Variants in OSGEP observed in about 807,000 individuals in gnomAD.
OSGEP encodes O-sialoglycoprotein endopeptidase.
Under a neutral mutation model 44.1 loss-of-function variants are expected in OSGEP, and 39 were observed. That is an observed-to-expected ratio of 0.88 (90% CI 0.69 to 1.16). OSGEP has a LOEUF of 1.16. Among genes scored for constraint, OSGEP ranks in the 50% most tolerant of loss-of-function variants. OSGEP has a pLI of 0.00. For synonymous variants in OSGEP, 139 were observed against 161.9 expected, an observed-to-expected ratio of 0.86 and a Z score of 1.07; for missense variants, 403 against 443.1, an observed-to-expected ratio of 0.91 and a Z score of 0.81.
intron 6 of OSGEP, 145 bp downstream of exon 6, chr14:20,448,588 C>T (rs139736301): frequency 1.7e-5 from 11 of 642,356 alleles, no homozygotes; most frequent in African/African-American, 5.5e-5. Context: ...TGAATACCTT[C>T]TAAATGAATT....
At chr14:20,452,558 T>G in intron 1 of OSGEP, 110 bp from the exon 2 acceptor site, 1 of 997,450 alleles carries the variant, frequency 1.0e-6, no homozygotes, top group Non-Finnish European at 1.5e-6. Flanking sequence ...GTCCTTTCAC[T>G]TTCCCCAAGC....
chr14:20,447,817 C>G, intron 8 of OSGEP, 87 bp downstream of exon 8: 1 of 1,242,154 alleles, frequency 8.1e-7, no homozygotes, highest in Non-Finnish European at 1.2e-6. Context: ...GGGAAGCCTA[C>G]TCCAAACGCT....
chr14:20,448,291 T>G, intron 6 of OSGEP, 120 bp from the exon 7 acceptor site: 2 of 806,224 alleles, frequency 2.5e-6, no homozygotes, highest in East Asian at 4.9e-5. Flanking sequence ...TACCAGCACA[T>G]CCTGTACCAC....
At position 20,451,089 on chromosome 14, in the gene OSGEP, A is replaced by G. The variant is rs1326037107; in HGVS notation, c.411+885T>C. Among the ~76,000 whole-genome samples the G allele has an allele frequency of 3.9e-5, 6 of 152,338 alleles. No individual in the cohort carries two copies. In the East Asian group the frequency reaches 9.6e-4, roughly 24 times the overall value. Reference sequence around the variant, plus strand: ...GCATCATTGCACTCCAACCTGGACAATAAGAGCGAAACTCCATCTCAAATA... The same window carrying G: ...GCATCATTGCACTCCAACCTGGACAGTAAGAGCGAAACTCCATCTCAAATA... On this transcript the variant is annotated intron_variant, in intron 3 of 10. Transcript: ENST00000206542.
intron 3 of OSGEP, 123 bp downstream of exon 3, chr14:20,451,851 A>T (rs1881107439): frequency 1.1e-6 from 1 of 886,654 alleles, no homozygotes; most frequent in East Asian, 2.8e-5. Context: ...TCTGGTCTAC[A>T]GTATTTTAGG....
At chr14:20,448,671 A>G (rs565325988) in intron 6 of OSGEP, 62 bp downstream of exon 6, 3 of 1,173,928 alleles carry the variant, frequency 2.6e-6, no homozygotes, top group East Asian at 2.3e-5. Flanking sequence ...AATCGTAAGT[A>G]AAACAGATAT....
chr14:20,447,692 T>TACAAAGAGGCAGGGA lies in OSGEP; in HGVS notation c.794-17_794-3dup, dbSNP rs1188266977. 1 of 1,612,038 alleles carries TACAAAGAGGCAGGGA rather than the reference T, an allele frequency of 6.2e-7. No individual in the cohort carries two copies. The highest frequency in any genetic ancestry group is 1.7e-4 in the Middle Eastern group (1 of 6,056). ...TCATCTCCTGTAGCCTCACATTACC[T>TACAAAGAGGCAGGGA]ACAAAGAGGCAGGGAACAGGATTAG... is the stretch of plus-strand genomic sequence containing the variant. On this transcript the variant is annotated splice_polypyrimidine_tract_variant and splice_region_variant and intron_variant, in intron 8 of 10. Coordinates refer to ENST00000206542, the MANE Select transcript of OSGEP (RefSeq NM_017807.4).
At chr14:20,454,164 C>A (rs1287700190) in intron 1 of OSGEP, among the ~76,000 whole-genome samples, 1 of 148,908 alleles carries the variant, frequency 6.7e-6, no homozygotes, top group East Asian at 1.9e-4. Flanking sequence ...TAGAATATTT[C>A]AAAAAATAAT....
At chr14:20,449,072 G>C in intron 4 of OSGEP, 59 bp from the exon 5 acceptor site, 1 of 1,521,048 alleles carries the variant, frequency 6.6e-7, no homozygotes, top group Non-Finnish European at 9.1e-7. Flanking sequence ...CAGATATGCA[G>C]GAAGCATAAG....
chr14:20,453,495 T>C (rs997595323), intron 1 of OSGEP, among the ~76,000 whole-genome samples: 1 of 152,088 alleles, frequency 6.6e-6, no homozygotes, highest in African/African-American at 2.4e-5. Flanking sequence ...GCCTCCCAAG[T>C]AGCTGGGTTT....
At chr14:20,451,710 C>T in intron 3 of OSGEP, 1 of 335,712 alleles carries the variant, frequency 3.0e-6, no homozygotes, top group Non-Finnish European at 5.4e-6. Context: ...CTTTTCAATC[C>T]CATTCATTCC....
chr14:20,447,072 C>A lies in OSGEP; in HGVS notation c.*168G>T. On this transcript the variant is annotated 3_prime_UTR_variant, in exon 11 of 11. Coordinates refer to ENST00000206542, the MANE Select transcript of OSGEP (RefSeq NM_017807.4). The stretch of plus-strand genomic sequence containing the variant: ...ATCACCAACATACAAAACCAAAAAA[C>A]CAAAAATATTTTATTGCTGAGTCAT... 2 of 658,258 alleles carry A rather than the reference C, an allele frequency of 3.0e-6. No homozygotes were observed. Among genetic ancestry groups the A allele is most frequent in the Admixed American group, 2.5e-5 (1 of 39,810 alleles). 40.8% of individuals were successfully genotyped at this position (658,258 alleles called of 1,614,324 possible). A position where few individuals can be genotyped will look rare whatever the true frequency, so the allele number is the denominator to read the frequency against.
Position 20,452,057 on chromosome 14 carries a change from A to G in OSGEP, c.328T>C (p.Cys110Arg), listed in dbSNP as rs140076803. Residue 110 changes from cysteine to arginine, a missense_variant, in exon 3 of 11, where the codon TGT becomes CGT. Coordinates refer to ENST00000206542, the MANE Select transcript of OSGEP (RefSeq NM_017807.4). Reference protein sequence around the residue: ...WNKPLVGVNHCIGHIEMGRLI... With the variant: ...WNKPLVGVNHRIGHIEMGRLI... ...CGGCCCATCTCAATGTGGCCTATAC[A>G]GTGGTTCACACCCACCAATGGCTTA... 732 of 1,613,884 alleles carry G rather than the reference A, an allele frequency of 4.5e-4. No individual in the cohort carries two copies. The highest frequency in any genetic ancestry group is 6.0e-4 in the Non-Finnish European group (709 of 1,179,966).
In OSGEP at chr14:20,452,313, A is replaced by G; in HGVS notation, c.235+16T>C. On this transcript the variant is annotated intron_variant, in intron 2 of 10. Coordinates refer to ENST00000206542, the MANE Select transcript of OSGEP (RefSeq NM_017807.4). Reference sequence around the variant, plus strand: ...CAGGTATATTCCTCCATCGTTGACCACTCTCCCAGCCATACCCTTGGTGTA... The same window carrying G: ...CAGGTATATTCCTCCATCGTTGACCGCTCTCCCAGCCATACCCTTGGTGTA... 1 of 1,612,308 alleles carries G rather than the reference A, an allele frequency of 6.2e-7. No homozygotes were observed. The highest frequency in any genetic ancestry group is 8.5e-7 in the Non-Finnish European group (1 of 1,179,574).
chr14:20,446,966 C>A lies in OSGEP; in HGVS notation c.*274G>T. 2 of 395,576 alleles carry A rather than the reference C, an allele frequency of 5.1e-6. No individual in the cohort carries two copies. Among genetic ancestry groups the A allele is most frequent in the Non-Finnish European group, 4.5e-6 (1 of 221,576 alleles). The allele number at this position is 395,576 out of a possible 1,614,324, so 24.5% of individuals were successfully genotyped here. A position where few individuals can be genotyped will look rare whatever the true frequency, so the allele number is the denominator to read the frequency against. ...CTTAAAAAAAAAAAAAAAGATACCTCATTCTTGGTTCCACAGCAGCAAGCT... is the reference window on the plus strand; with the variant it reads ...CTTAAAAAAAAAAAAAAAGATACCTAATTCTTGGTTCCACAGCAGCAAGCT... On this transcript the variant is annotated 3_prime_UTR_variant, in exon 11 of 11. Transcript: ENST00000206542.
chr14:20,451,372 T>G, intron 3 of OSGEP: 1 of 250,506 alleles, frequency 4.0e-6, no homozygotes. Flanking sequence ...AATGGTGCGA[T>G]CTCGGTTCAC....
At position 20,447,637 on chromosome 14, in the gene OSGEP, G is replaced by C; in HGVS notation, c.847C>G (p.Arg283Gly). Residue 283 changes from arginine to glycine, a missense_variant, in exon 9 of 11, where the codon CGG becomes GGG. Arg to Gly is a moderately radical substitution (Grantham distance 125). Transcript: ENST00000206542. ...TACCTCTCATCTGTAGCAAAAAGCCGGGCTCCACGTTCCTGGCACATTGTT... is the reference window on the plus strand; with the variant it reads ...TACCTCTCATCTGTAGCAAAAAGCCCGGCTCCACGTTCCTGGCACATTGTT... The part of the protein sequence containing the change: ...MATMCQERGA[R>G]LFATDERFCI... The C allele has an allele frequency of 6.2e-7, 1 of 1,613,986 alleles. No individual in the cohort carries two copies. The highest frequency in any genetic ancestry group is 8.5e-7 in the Non-Finnish European group (1 of 1,179,884).
At chr14:20,447,368 C>T (rs1480523666) in intron 10 of OSGEP, 54 bp downstream of exon 10, 3 of 1,600,192 alleles carry the variant, frequency 1.9e-6, no homozygotes, top group Admixed American at 1.7e-5. Flanking sequence ...CTCTTCCCTG[C>T]TGTTTTTGTC....
chr14:20,454,423 G>C (rs1028043509), intron 1 of OSGEP, 146 bp downstream of exon 1: 4 of 739,620 alleles, frequency 5.4e-6, no homozygotes, highest in African/African-American at 1.7e-5. Flanking sequence ...AACTCTTCTA[G>C]TCATCAGCCT....
Sources: allele counts gnomAD v4.1 joint callset (sites outside exome capture counted in the v4.1 genomes callset), GRCh38; gene constraint gnomAD v4.1.1; transcripts MANE v1.5; gene names NCBI Gene and HGNC (gene_info 2026-07-23, HGNC 2026-07-21).